Variants in PIP5K1B observed in about 807,000 individuals in gnomAD.
The protein encoded by PIP5K1B is phosphatidylinositol-4-phosphate 5-kinase type 1 beta, also known as phosphatidylinositol 4-phosphate 5-kinase type-1 beta.
PIP5K1B carries 42 observed loss-of-function variants against 67.0 expected under a neutral mutation model. The observed-to-expected ratio is 0.63, with a 90% CI of 0.49 to 0.81. The LOEUF (loss-of-function observed/expected upper bound fraction) is 0.81, where lower values mean the gene tolerates loss of function less well. Ranked by LOEUF, PIP5K1B falls within the 30% of genes least tolerant of loss-of-function variation. The probability of loss-of-function intolerance (pLI) is 0.00; values close to 1 mark genes in which losing one functional copy is unlikely to be tolerated. For synonymous variants in PIP5K1B, 214 were observed against 231.4 expected (o/e 0.92, Z 0.68); for missense variants, 459 against 646.3 (o/e 0.71, Z 3.14).
chr9:68,954,704 G>C (rs773508773), intron 14 of PIP5K1B, among the ~76,000 whole-genome samples: 16 of 152,168 alleles, frequency 1.1e-4, no homozygotes, highest in African/African-American at 3.9e-4. Flanking sequence ...ACATGAGAGA[G>C]GACTAGCGAA....
intron 2 of PIP5K1B, among the ~76,000 whole-genome samples, chr9:68,791,708 A>G (rs1270425223): frequency 6.6e-6 from 1 of 152,186 alleles, no homozygotes; most frequent in Admixed American, 6.5e-5. Flanking sequence ...TACCTTTTCT[A>G]TATAGTCTTT....
At chr9:68,733,666 G>A (rs896094936) in intron 1 of PIP5K1B, among the ~76,000 whole-genome samples, 1 of 87,390 alleles carries the variant, frequency 1.1e-5, no homozygotes, top group East Asian at 3.8e-4. Context: ...TTGAGATGGA[G>A]TCTTGCTTAT....
chr9:68,720,232 C>G (rs1564086823), intron 1 of PIP5K1B, among the ~76,000 whole-genome samples: 1 of 152,234 alleles, frequency 6.6e-6, no homozygotes. Context: ...AGCCTAGCAT[C>G]TAGCCTTGCC....
At chr9:68,941,239 G>T (rs1391383224) in intron 14 of PIP5K1B, 1 of 386,540 alleles carries the variant, frequency 2.6e-6, no homozygotes, top group Non-Finnish European at 5.0e-6. Flanking sequence ...TGTAACCTGT[G>T]AATATGTTAC....
chr9:68,920,784 T>TCTCTCTCTCACACATA (rs879785029), intron 11 of PIP5K1B, among the ~76,000 whole-genome samples: 5,101 of 140,112 alleles, frequency 0.036, 235 homozygotes, highest in African/African-American at 0.11. Context: ...TCTCTCTCTC[T>TCTCTCTCTCACACATA]CACACACATA....
At chr9:68,996,235 T>C (rs1021963521) in intron 15 of PIP5K1B, among the ~76,000 whole-genome samples, 1 of 152,224 alleles carries the variant, frequency 6.6e-6, no homozygotes, top group Non-Finnish European at 1.5e-5. Context: ...TCCTGCTTTT[T>C]CCTGTAACTC....
At chr9:68,962,281 G>C (rs1473776333) in intron 14 of PIP5K1B, among the ~76,000 whole-genome samples, 2 of 152,022 alleles carry the variant, frequency 1.3e-5, no homozygotes, top group Admixed American at 6.5e-5. Flanking sequence ...AAAGATTTGA[G>C]CACATTTATC....
intron 15 of PIP5K1B, among the ~76,000 whole-genome samples, chr9:69,002,413 GTTCACACTGCTA>G (rs1830862259): frequency 6.6e-6 from 1 of 152,058 alleles, no homozygotes; most frequent in South Asian, 2.1e-4. Flanking sequence ...ATTTTCTTCT[GTTCACACTGCTA>G]TGTCCTGATT....
chr9:68,876,636 G>A (rs776202046), intron 5 of PIP5K1B, 41 bp from the exon 6 acceptor site: 2 of 1,096,652 alleles, frequency 1.8e-6, no homozygotes, highest in Middle Eastern at 2.0e-4. Context: ...CCTTGCTAAT[G>A]TGTTCTTTCT....
At chr9:68,824,543 T>A (rs1307899744) in intron 4 of PIP5K1B, among the ~76,000 whole-genome samples, 1 of 152,152 alleles carries the variant, frequency 6.6e-6, no homozygotes, top group Non-Finnish European at 1.5e-5. Context: ...TAATGAACAA[T>A]TTTTTATGTG....
chr9:68,811,926 G>A (rs11143802), intron 2 of PIP5K1B, among the ~76,000 whole-genome samples: 23,459 of 152,076 alleles, frequency 0.15, 1,976 homozygotes, highest in East Asian at 0.24. Flanking sequence ...GGTCTACCAC[G>A]CAGAGGTAGT....
At chr9:68,780,087 C>G in intron 2 of PIP5K1B, 1 of 1,411,356 alleles carries the variant, frequency 7.1e-7, no homozygotes. Flanking sequence ...GCGGCGGCAG[C>G]GGCGGCGGCC....
intron 6 of PIP5K1B, among the ~76,000 whole-genome samples, chr9:68,878,292 C>T (rs1824006422): frequency 6.6e-6 from 1 of 152,082 alleles, no homozygotes; most frequent in Non-Finnish European, 1.5e-5. Flanking sequence ...TCAATATGAC[C>T]AGATGGATGC....
intron 8 of PIP5K1B, among the ~76,000 whole-genome samples, chr9:68,901,177 C>T (rs567197253): frequency 1.3e-5 from 2 of 152,202 alleles, no homozygotes; most frequent in East Asian, 1.9e-4. Flanking sequence ...ATAAGGAATT[C>T]GATTTTGTTT....
chr9:68,780,688 T>G, intron 2 of PIP5K1B: 1 of 1,614,206 alleles, frequency 6.2e-7, no homozygotes, highest in Non-Finnish European at 8.5e-7. Flanking sequence ...CCAAGCCCTA[T>G]TCCCAGCCCA....
intron 2 of PIP5K1B, among the ~76,000 whole-genome samples, chr9:68,754,459 A>G (rs572801746): frequency 4.6e-5 from 7 of 152,050 alleles, no homozygotes; most frequent in Admixed American, 2.6e-4. Context: ...GTGAGCCACC[A>G]CGCCCGGCCG....
Position 68,880,592 on chromosome 9 carries a change from TACACAC to T in PIP5K1B, c.318+3817_318+3822del, listed in dbSNP as rs763461495. Among the ~76,000 whole-genome samples the T allele has an allele frequency of 7.7e-3, 597 of 77,084 alleles. 11 individuals carry two copies. The highest frequency in any genetic ancestry group is 0.019 in the Middle Eastern group (2 of 104). 50.6% of individuals were successfully genotyped at this position (77,084 alleles called of 152,430 possible). The stretch of plus-strand genomic sequence containing the variant: ...ACACACACACACACACACACACGCA[TACACAC>T]ACACACACACACACACACGCATACA... On this transcript the variant is annotated intron_variant, in intron 6 of 15. Transcript: ENST00000265382.
At chr9:68,926,133 T>C (rs1050051903) in intron 12 of PIP5K1B, among the ~76,000 whole-genome samples, 6 of 152,028 alleles carry the variant, frequency 3.9e-5, no homozygotes, top group African/African-American at 1.4e-4. Flanking sequence ...TTCACTTTTC[T>C]TAGCCCTGTG....
intron 1 of PIP5K1B, among the ~76,000 whole-genome samples, chr9:68,725,461 A>T (rs1439916507): frequency 6.6e-6 from 1 of 152,196 alleles, no homozygotes. Flanking sequence ...CATTGCACAC[A>T]TTAGAGAATT....
Sources: gnomAD v4.1 joint callset for allele counts (sites outside exome capture counted in the v4.1 genomes callset) on GRCh38, gnomAD v4.1.1 for gene constraint, MANE v1.5 for transcripts, NCBI Gene and HGNC (gene_info 2026-07-23, HGNC 2026-07-21) for gene names.